The following SPIDR variants were observed in gnomAD, a reference collection of about 807,000 sequenced individuals.
The protein encoded by SPIDR is scaffold protein involved in DNA repair.
A neutral mutation model predicts 104.6 loss-of-function variants in SPIDR; 93 were observed. That is an observed-to-expected ratio of 0.89 (90% confidence interval 0.75 to 1.06). The LOEUF (loss-of-function observed/expected upper bound fraction) is 1.06, where lower values mean the gene tolerates loss of function less well. Among genes scored for constraint, SPIDR ranks in the 50% least tolerant of loss-of-function variants. SPIDR has a pLI of 0.00. For missense variants in SPIDR, 1,154 were observed against 1,111.2 expected (o/e 1.04, Z -0.55); for synonymous variants, 431 against 416.9 (o/e 1.03, Z -0.41).
intron 5 of SPIDR, among the ~76,000 whole-genome samples, chr8:47,382,674 G>A (rs1246959728): frequency 1.3e-5 from 2 of 152,194 alleles, no homozygotes; most frequent in African/African-American, 2.4e-5. Flanking sequence ...GCCTCCCAAA[G>A]TGCTGGGATT....
chr8:47,586,050 T>C (rs1377809947), intron 8 of SPIDR, among the ~76,000 whole-genome samples: 1 of 152,234 alleles, frequency 6.6e-6, no homozygotes, highest in African/African-American at 2.4e-5. Context: ...ATACAAGTCA[T>C]TGTCTGTATC....
At chr8:47,628,639 TG>T (rs2066570533) in intron 10 of SPIDR, among the ~76,000 whole-genome samples, 1 of 152,204 alleles carries the variant, frequency 6.6e-6, no homozygotes, top group African/African-American at 2.4e-5. Flanking sequence ...TGTTTAGACT[TG>T]GGTCCCATCC....
intron 5 of SPIDR, among the ~76,000 whole-genome samples, chr8:47,357,359 C>T (rs564149970): frequency 2.2e-4 from 34 of 152,278 alleles, no homozygotes; most frequent in African/African-American, 7.0e-4. Context: ...TGTCAGAACT[C>T]GCTCTGCTTA....
intron 7 of SPIDR, among the ~76,000 whole-genome samples, chr8:47,413,362 A>G (rs1157342111): frequency 1.3e-5 from 2 of 152,248 alleles, no homozygotes; most frequent in African/African-American, 4.8e-5. Flanking sequence ...TGCTCTGATT[A>G]TCTAGCCAAG....
At chr8:47,293,405 G>A (rs1342825103) in intron 4 of SPIDR, among the ~76,000 whole-genome samples, 1 of 152,068 alleles carries the variant, frequency 6.6e-6, no homozygotes, top group African/African-American at 2.4e-5. Flanking sequence ...ATAAGATTTG[G>A]GAGAAACAGT....
intron 8 of SPIDR, among the ~76,000 whole-genome samples, chr8:47,519,111 CTGGCTATGTGTTTTGTTGT>C (rs1184227124): frequency 1.3e-5 from 2 of 151,890 alleles, no homozygotes; most frequent in African/African-American, 2.4e-5. Context: ...GTTCTCTGAC[CTGGCTATGTGTTTTGTTGT>C]TGTTGTTGTT....
rs534145500 is a variant in SPIDR at position 47,498,084 on chromosome 8, A to G, written c.1097+57542A>G. ...TTGACTATAACATCAATACAAACAT[A>G]ATGTCAAGAATTAACTGTAACTTTC... On this transcript the variant is annotated intron_variant, in intron 8 of 19. Transcript: ENST00000297423. Among the ~76,000 whole-genome samples the G allele has an allele frequency of 3.3e-5, 5 of 152,304 alleles. No homozygotes were observed. The South Asian group carries it at 1.0e-3, about 32-fold the overall frequency.
intron 10 of SPIDR, among the ~76,000 whole-genome samples, chr8:47,638,676 C>G (rs888644808): frequency 6.6e-6 from 1 of 152,192 alleles, no homozygotes; most frequent in African/African-American, 2.4e-5. Context: ...TTCAGTATCA[C>G]TGGTATCCTA....
intron 8 of SPIDR, among the ~76,000 whole-genome samples, chr8:47,456,284 GT>G (rs1334423088): frequency 6.6e-6 from 1 of 152,150 alleles, no homozygotes; most frequent in African/African-American, 2.4e-5. Flanking sequence ...AAAGTGCCAT[GT>G]GGGGACACAG....
At chr8:47,374,275 A>G (rs1204539962) in intron 5 of SPIDR, among the ~76,000 whole-genome samples, 1 of 152,124 alleles carries the variant, frequency 6.6e-6, no homozygotes, top group African/African-American at 2.4e-5. Flanking sequence ...TAATCCTAAC[A>G]CTTTGGGAGG....
At chr8:47,429,782 G>A (rs1226091582) in intron 7 of SPIDR, among the ~76,000 whole-genome samples, 7 of 149,068 alleles carry the variant, frequency 4.7e-5, no homozygotes, top group African/African-American at 1.5e-4. Flanking sequence ...TTTTTTTCTG[G>A]TCTGTACTTT....
chr8:47,282,208 G>A lies in SPIDR; in HGVS notation c.190-1820G>A, dbSNP rs955279207. On this transcript the variant is annotated intron_variant, in intron 2 of 19. Coordinates refer to ENST00000297423, the MANE Select transcript of SPIDR (RefSeq NM_001080394.4). ...GGCAGAGTAGATTTATCATAAGGGC[G>A]CTAGGATTTTCAGAATGATACATGA... Among the ~76,000 whole-genome samples the A allele has an allele frequency of 7.2e-5, 11 of 152,266 alleles. No individual in the cohort carries two copies. The East Asian group carries it at 1.2e-3, about 16-fold the overall frequency.
intron 10 of SPIDR, among the ~76,000 whole-genome samples, chr8:47,630,651 A>G (rs761684543): frequency 3.3e-5 from 5 of 152,154 alleles, no homozygotes; most frequent in Admixed American, 2.0e-4. Flanking sequence ...TTCCAGGGCA[A>G]TAGGACTTAA....
intron 10 of SPIDR, among the ~76,000 whole-genome samples, chr8:47,649,018 A>G (rs1226377151): frequency 6.6e-6 from 1 of 152,196 alleles, no homozygotes; most frequent in African/African-American, 2.4e-5. Context: ...ACATCACCTT[A>G]AGTTTTAAAA....
chr8:47,728,812 G>C, intron 17 of SPIDR, 121 bp from the exon 18 acceptor site: 16 of 1,202,380 alleles, frequency 1.3e-5, no homozygotes, highest in Non-Finnish European at 1.7e-5. Flanking sequence ...ACTTGATTCT[G>C]AGAGTAAAGC....
At chr8:47,561,959 CA>C (rs2057139602) in intron 8 of SPIDR, among the ~76,000 whole-genome samples, 1 of 152,224 alleles carries the variant, frequency 6.6e-6, no homozygotes, top group Admixed American at 6.5e-5. Flanking sequence ...GGGAATTACA[CA>C]AGTGTTCGGC....
At chr8:47,316,011 A>G (rs1404681786) in intron 5 of SPIDR, among the ~76,000 whole-genome samples, 1 of 152,222 alleles carries the variant, frequency 6.6e-6, no homozygotes, top group Non-Finnish European at 1.5e-5. Flanking sequence ...CAAAATAAAA[A>G]ACTTCTGCTC....
chr8:47,559,507 T>C (rs548385851), intron 8 of SPIDR, among the ~76,000 whole-genome samples: 3 of 152,378 alleles, frequency 2.0e-5, no homozygotes, highest in Admixed American at 2.0e-4. Flanking sequence ...CCCAGGCCTT[T>C]GCTTGCCTGT....
chr8:47,644,031 T>C (rs2069730869), intron 10 of SPIDR, among the ~76,000 whole-genome samples: 1 of 152,208 alleles, frequency 6.6e-6, no homozygotes, highest in African/African-American at 2.4e-5. Flanking sequence ...TTCTGGAACT[T>C]ACGGGCTGTA....
Sources: gnomAD v4.1 joint callset for allele counts (sites outside exome capture counted in the v4.1 genomes callset) on GRCh38, gnomAD v4.1.1 for gene constraint, MANE v1.5 for transcripts, NCBI Gene and HGNC (gene_info 2026-07-23, HGNC 2026-07-21) for gene names.